PLEKHG1: variants seen among roughly 807,000 people sequenced by gnomAD.
PLEKHG1 encodes pleckstrin homology and RhoGEF domain containing G1, also known as pleckstrin homology domain-containing family G member 1.
A neutral mutation model predicts 100.8 loss-of-function variants in PLEKHG1; 44 were observed. The ratio of observed to expected loss-of-function variants is 0.44; its 90% CI spans 0.34 to 0.56. PLEKHG1 has a LOEUF of 0.56. PLEKHG1 is among the 20% of genes least tolerant of loss of function. PLEKHG1 has a pLI of 0.01. For missense variants in PLEKHG1, 1,545 were observed against 1,720.9 expected, an observed-to-expected ratio of 0.90 and a Z score of 1.81; for synonymous variants, 640 against 662.5, an observed-to-expected ratio of 0.97 and a Z score of 0.52.
At chr6:150,839,807 T>G in intron 15 of PLEKHG1, 26 bp from the exon 17 acceptor site, 1 of 1,304,142 alleles carries the variant, frequency 7.7e-7, no homozygotes, top group Non-Finnish European at 1.1e-6. Context: ...CTGTGTGTAT[T>G]TACTGTTTCA....
chr6:150,841,600 T>C (rs1369706505), exon 16 of PLEKHG1: 1 of 152,222 alleles, frequency 6.6e-6, no homozygotes, highest in Non-Finnish European at 1.5e-5. Flanking sequence ...ATTTCTGGGG[T>C]GAAATGAATG....
chr6:150,801,731 C>T (rs1023444046), intron 6 of PLEKHG1, among the ~76,000 whole-genome samples: 3 of 152,032 alleles, frequency 2.0e-5, no homozygotes, highest in Non-Finnish European at 2.9e-5. Context: ...TGAGCCACCA[C>T]GCCCGTCCTC....
chr6:150,762,113 C>T (rs1784190221), intron 2 of PLEKHG1, among the ~76,000 whole-genome samples: 1 of 152,180 alleles, frequency 6.6e-6, no homozygotes, highest in Non-Finnish European at 1.5e-5. Flanking sequence ...GAGCCGTTAA[C>T]AGAGTTCCAC....
In PLEKHG1 at chr6:150,636,894, G is replaced by T. The variant is rs151027166; in HGVS notation, c.-203-1186G>T. Among the ~76,000 whole-genome samples, 34 of 152,274 alleles carry T rather than the reference G, an allele frequency of 2.2e-4. 1 individual carries two copies. The highest frequency in any genetic ancestry group is 7.8e-4 in the Admixed American group (12 of 15,294). On this transcript the variant is annotated intron_variant, in intron 1 of 3. Coordinates refer to the PLEKHG1 transcript ENST00000367326. ...GTCTCCAACTTATTTCTTTTCTAAAGCATCTATTGAACCTTGGTCTGAAAA... is the reference window on the plus strand; with the variant it reads ...GTCTCCAACTTATTTCTTTTCTAAATCATCTATTGAACCTTGGTCTGAAAA...
chr6:150,610,457 C>G (rs987374492), intron 1 of PLEKHG1, among the ~76,000 whole-genome samples: 28 of 152,194 alleles, frequency 1.8e-4, no homozygotes, highest in African/African-American at 6.3e-4. Context: ...TCCACCTTCC[C>G]TCACTAGACT....
intron 3 of PLEKHG1, among the ~76,000 whole-genome samples, chr6:150,678,978 T>C (rs1301080639): frequency 1.3e-5 from 2 of 152,246 alleles, no homozygotes; most frequent in Admixed American, 6.5e-5. Flanking sequence ...CCTAAATTCA[T>C]TAACTTTCAT....
chr6:150,790,740 G>A (rs191467281), intron 4 of PLEKHG1, among the ~76,000 whole-genome samples: 11 of 152,246 alleles, frequency 7.2e-5, no homozygotes, highest in African/African-American at 2.4e-5. Context: ...AGAATATCTC[G>A]GCCGGGCATG....
chr6:150,631,833 C>T (rs556090216), intron 1 of PLEKHG1, among the ~76,000 whole-genome samples: 2 of 152,210 alleles, frequency 1.3e-5, no homozygotes, highest in South Asian at 4.1e-4. Context: ...TGGAGGGCTG[C>T]GAGCAAGTAA....
At chr6:150,804,817 G>T in intron 7 of PLEKHG1, 76 bp downstream of exon 8, 1 of 1,439,228 alleles carries the variant, frequency 6.9e-7, no homozygotes, top group Non-Finnish European at 9.7e-7. Context: ...AAATATTAAG[G>T]CTGCTCAAGT....
intron 14 of PLEKHG1, chr6:150,827,833 A>G: frequency 7.0e-7 from 1 of 1,419,616 alleles, no homozygotes; most frequent in South Asian, 1.2e-5. Context: ...GAAGAGCTGG[A>G]GGATCACGAA....
chr6:150,613,198 T>C (rs896535323), intron 1 of PLEKHG1, among the ~76,000 whole-genome samples: 4 of 152,196 alleles, frequency 2.6e-5, no homozygotes, highest in Admixed American at 1.3e-4. Flanking sequence ...TTCCCAGATA[T>C]CAGAGTCTTG....
At chr6:150,690,890 C>G (rs1007847722) in intron 3 of PLEKHG1, among the ~76,000 whole-genome samples, 1 of 152,224 alleles carries the variant, frequency 6.6e-6, no homozygotes, top group Non-Finnish European at 1.5e-5. Context: ...TCACAGATCC[C>G]TGCCTCCTGT....
chr6:150,603,197 G>A (rs1340497890), intron 1 of PLEKHG1, among the ~76,000 whole-genome samples: 1 of 152,122 alleles, frequency 6.6e-6, no homozygotes, highest in East Asian at 1.9e-4. Flanking sequence ...GGGATGGGAA[G>A]GAAAACATTT....
intron 1 of PLEKHG1, chr6:150,632,898 A>G (rs1346400041): frequency 6.6e-6 from 1 of 152,212 alleles, no homozygotes; most frequent in South Asian, 2.1e-4. Flanking sequence ...ATTTGCATAT[A>G]TGTCTAGTAT....
chr6:150,795,740 CAT>C (rs34933769), intron 4 of PLEKHG1, 114 bp from the exon 6 acceptor site: 120,402 of 391,852 alleles, frequency 0.31, 10,886 homozygotes, highest in South Asian at 0.38. Context: ...AAACAAAAAA[CAT>C]ATATATATAT....
intron 3 of PLEKHG1, among the ~76,000 whole-genome samples, chr6:150,694,712 T>A (rs1035167405): frequency 7.7e-4 from 111 of 143,778 alleles, no homozygotes; most frequent in East Asian, 5.1e-3. Context: ...AAAAAAAAAA[T>A]AAAAATAAAA....
At position 150,733,973 on chromosome 6, in the gene PLEKHG1, G is replaced by T. The variant is rs201117528; in HGVS notation, c.292G>T (p.Ala98Ser). ...GCAGTGGAGAGTGGACTCAAACGGG[G>T]CACCCAAGACGATCGCAGACTCGGC... Residue 98 changes from alanine to serine, a missense_variant, in exon 2 of 16, where the codon GCA becomes TCA. Ala to Ser is a moderately conservative substitution (Grantham distance 99, BLOSUM62 1). Transcript: ENST00000358517. 3 of 1,614,144 alleles carry T rather than the reference G, an allele frequency of 1.9e-6. No homozygotes were observed. Among genetic ancestry groups the T allele is most frequent in the Non-Finnish European group, 2.5e-6 (3 of 1,180,036 alleles).
chr6:150,671,744 A>G (rs986403211), intron 3 of PLEKHG1, among the ~76,000 whole-genome samples: 2 of 152,216 alleles, frequency 1.3e-5, no homozygotes, highest in Non-Finnish European at 2.9e-5. Flanking sequence ...GTCACAGGAA[A>G]AGACTAGGGA....
At chr6:150,823,757 TC>T in intron 14 of PLEKHG1, 81 bp downstream of exon 15, 1 of 926,894 alleles carries the variant, frequency 1.1e-6, no homozygotes, top group Non-Finnish European at 1.7e-6. Flanking sequence ...CTCTGTCATC[TC>T]CAGCCCGTAT....
Sources: gnomAD v4.1 joint callset for allele counts (sites outside exome capture counted in the v4.1 genomes callset) on GRCh38, gnomAD v4.1.1 for gene constraint, MANE v1.5 for transcripts, NCBI Gene and HGNC (gene_info 2026-07-23, HGNC 2026-07-21) for gene names.